Variants in DNAH9 observed in about 807,000 individuals in gnomAD.
The protein encoded by DNAH9 is dynein axonemal heavy chain 9.
In DNAH9, 345 loss-of-function variants were observed where a neutral mutation model predicts 471.6. The observed-to-expected ratio is 0.73, with a 90% CI of 0.67 to 0.80. The LOEUF (loss-of-function observed/expected upper bound fraction) is 0.80. DNAH9 is among the 30% of genes least tolerant of loss of function. The pLI is 0.00. For missense variants in DNAH9, 5,407 were observed against 5,609.2 expected (o/e 0.96, Z 1.15); for synonymous variants, 2,093 against 2,123.6 (o/e 0.99, Z 0.40).
At chr17:11,645,414 C>T (rs545096037) in intron 11 of DNAH9, among the ~76,000 whole-genome samples, 1 of 152,318 alleles carries the variant, frequency 6.6e-6, no homozygotes, top group South Asian at 2.1e-4. Context: ...GAGACTGGAA[C>T]TTCTCCAGGC....
rs1330449838 is a variant in DNAH9, at chr17:11,875,201, A to C, written c.10478+17A>C. ...TCAGAAAGGGTAAGTGGTTGAGCAC[A>C]GAAGTTCCCACTTTAGCCATTTGTG... On this transcript the variant is annotated intron_variant, in intron 53 of 68. Coordinates refer to ENST00000262442, the MANE Select transcript of DNAH9 (RefSeq NM_001372.4). 22 of 1,603,760 alleles carry C rather than the reference A, an allele frequency of 1.4e-5. No individual in the cohort carries two copies. The highest frequency in any genetic ancestry group is 1.7e-5 in the Non-Finnish European group (20 of 1,172,530).
intron 52 of DNAH9, among the ~76,000 whole-genome samples, chr17:11,872,852 G>A (rs1044860634): frequency 1.3e-5 from 2 of 152,224 alleles, no homozygotes; most frequent in Non-Finnish European, 2.9e-5. Flanking sequence ...CCCGGGAGGC[G>A]AAGCTTGCAG....
rs762624438 is a variant in DNAH9, at chr17:11,757,683, TCAGAAC to T, written c.6990_6995del (p.Thr2331_Arg2332del). On this transcript the variant is annotated inframe_deletion, in exon 35 of 69. Transcript: ENST00000262442. ...TATCTTCCAACCTGCCTAGACACAC[TCAGAAC>T]CAGGTAGGCCAAGAAACAAGGAAGA... 1.1e-5 allele frequency: 17 copies of T among 1,613,608 alleles called. No individual in the cohort carries two copies. The highest frequency in any genetic ancestry group is 1.4e-5 in the Non-Finnish European group (17 of 1,179,994).
chr17:11,624,023 G>T (rs774588933), intron 6 of DNAH9, among the ~76,000 whole-genome samples: 3 of 152,292 alleles, frequency 2.0e-5, no homozygotes, highest in Admixed American at 2.0e-4. Flanking sequence ...GTATTTTTCG[G>T]TGTCTGCAGT....
At chr17:11,766,625 C>G (rs924321810) in intron 36 of DNAH9, among the ~76,000 whole-genome samples, 1 of 152,166 alleles carries the variant, frequency 6.6e-6, no homozygotes, top group Admixed American at 6.5e-5. Flanking sequence ...GACATGGGGA[C>G]TTCAGAAGGG....
intron 62 of DNAH9, among the ~76,000 whole-genome samples, chr17:11,928,698 C>T (rs1400645573): frequency 6.6e-6 from 1 of 152,216 alleles, no homozygotes; most frequent in African/African-American, 2.4e-5. Flanking sequence ...GCAGCAATGA[C>T]TCAGTGTGTT....
chr17:11,945,039 G>A (rs985650439), intron 67 of DNAH9, among the ~76,000 whole-genome samples: 1 of 152,170 alleles, frequency 6.6e-6, no homozygotes, highest in South Asian at 2.1e-4. Context: ...GGAGGGGTTC[G>A]CAGAGTGGTC....
At chr17:11,711,898 A>T (rs796099698) in intron 26 of DNAH9, among the ~76,000 whole-genome samples, 1 of 5,594 alleles carries the variant, frequency 1.8e-4, no homozygotes, top group South Asian at 6.8e-3. Flanking sequence ...ATATATAAAT[A>T]TATATATTTG....
In DNAH9 at chr17:11,619,796, C is replaced by T. The variant is rs767140101; in HGVS notation, c.1350+15C>T. Reference sequence around the variant, plus strand: ...ACGTGGTGGAGGTGAGTGCGCACCTCACCTCAGGCTGCCAGCCCCAGACAG... The same window carrying T: ...ACGTGGTGGAGGTGAGTGCGCACCTTACCTCAGGCTGCCAGCCCCAGACAG... On this transcript the variant is annotated intron_variant, in intron 6 of 68. Coordinates refer to ENST00000262442, the MANE Select transcript of DNAH9 (RefSeq NM_001372.4). 4 of 1,491,314 alleles carry T rather than the reference C, an allele frequency of 2.7e-6. No individual in the cohort carries two copies. The highest frequency in any genetic ancestry group is 3.7e-6 in the Non-Finnish European group (4 of 1,068,374). The allele number at this position is 1,491,314 out of a possible 1,614,324, so 92.4% of individuals were successfully genotyped here.
intron 31 of DNAH9, 70 bp downstream of exon 31, chr17:11,745,154 C>G: frequency 1.6e-6 from 2 of 1,276,530 alleles, no homozygotes; most frequent in Non-Finnish European, 2.2e-6. Flanking sequence ...GGTTATCCTT[C>G]ATCCATAATC....
chr17:11,923,396 C>T (rs535557495), intron 61 of DNAH9, among the ~76,000 whole-genome samples: 1 of 151,780 alleles, frequency 6.6e-6, no homozygotes, highest in African/African-American at 2.4e-5. Flanking sequence ...ATTGCAAGGT[C>T]CGCCTCCTGG....
rs535194751 is a variant in DNAH9, at chr17:11,931,147, T to C, written c.12106-867T>C. On this transcript the variant is annotated intron_variant, in intron 63 of 68. Coordinates refer to ENST00000262442, the MANE Select transcript of DNAH9 (RefSeq NM_001372.4). Reference sequence around the variant, plus strand: ...GCAGGAGAGTACCCAAAGGCCTGAATTGTAGCAGAGTGGAGGCCATCGGAT... The same window carrying C: ...GCAGGAGAGTACCCAAAGGCCTGAACTGTAGCAGAGTGGAGGCCATCGGAT... Among the ~76,000 whole-genome samples the C allele has an allele frequency of 1.5e-3, 222 of 152,320 alleles. 2 individuals carry two copies. The highest frequency in any genetic ancestry group is 4.8e-3 in the African/African-American group (198 of 41,572).
chr17:11,853,659 CCTTAT>C (rs1328819442), intron 49 of DNAH9, among the ~76,000 whole-genome samples: 2 of 152,148 alleles, frequency 1.3e-5, no homozygotes, highest in African/African-American at 4.8e-5. Flanking sequence ...TTTATAATAA[CCTTAT>C]CTTTTATTCA....
intron 27 of DNAH9, among the ~76,000 whole-genome samples, chr17:11,721,480 A>T (rs2075058427): frequency 6.6e-6 from 1 of 151,844 alleles, no homozygotes; most frequent in Non-Finnish European, 1.5e-5. Context: ...AACTTCCTCT[A>T]CCTTTGTTTT....
intron 28 of DNAH9, among the ~76,000 whole-genome samples, 169 bp from the exon 29 acceptor site, chr17:11,738,711 G>C (rs927913075): frequency 7.2e-5 from 11 of 152,134 alleles, no homozygotes; most frequent in African/African-American, 2.2e-4. Context: ...CATGCAACCA[G>C]GGCCTGTCAG....
At chr17:11,824,085 C>T (rs1243218164) in intron 48 of DNAH9, among the ~76,000 whole-genome samples, 4 of 152,322 alleles carry the variant, frequency 2.6e-5, no homozygotes, top group Admixed American at 6.5e-5. Context: ...GCAGCTGCTT[C>T]GCCTCTGCTC....
At chr17:11,963,241 C>A (rs1225122021) in intron 68 of DNAH9, among the ~76,000 whole-genome samples, 1 of 151,970 alleles carries the variant, frequency 6.6e-6, no homozygotes, top group Non-Finnish European at 1.5e-5. Context: ...TTGAGACCAG[C>A]CTGACCAACA....
chr17:11,728,063 A>G (rs2075188054), intron 28 of DNAH9, 141 bp downstream of exon 28: 1 of 627,766 alleles, frequency 1.6e-6, no homozygotes, highest in African/African-American at 1.8e-5. Context: ...CCATCCTCTA[A>G]AATCAGGCTC....
At chr17:11,900,080 C>T (rs2151011029) in intron 59 of DNAH9, among the ~76,000 whole-genome samples, 1 of 145,280 alleles carries the variant, frequency 6.9e-6, no homozygotes, top group East Asian at 2.1e-4. Flanking sequence ...GACCACATGA[C>T]TTGGCCTCAT....
Sources: gnomAD v4.1 joint callset for allele counts (sites outside exome capture counted in the v4.1 genomes callset) on GRCh38, gnomAD v4.1.1 for gene constraint, MANE v1.5 for transcripts, NCBI Gene and HGNC (gene_info 2026-07-23, HGNC 2026-07-21) for gene names.